The following CD36 variants were observed in gnomAD, a reference collection of about 807,000 sequenced individuals.
CD36 encodes CD36 molecule (CD36 blood group).
Under a neutral mutation model 55.2 loss-of-function variants are expected in CD36, and 119 were observed. The observed-to-expected ratio is 2.15, with a 90% CI of 1.86 to 2.51. The LOEUF (loss-of-function observed/expected upper bound fraction) is 2.51, where lower values mean the gene tolerates loss of function less well. Among genes scored for constraint, CD36 ranks in the 30% most tolerant of loss-of-function variants. CD36 has a pLI of 0.00. For synonymous variants in CD36, 186 were observed against 193.6 expected (o/e 0.96, Z 0.33); for missense variants, 819 against 555.5 (o/e 1.47, Z -4.77).
At chr7:80,620,103 A>G (rs569872311) in intron 1 of CD36, among the ~76,000 whole-genome samples, 3 of 151,592 alleles carry the variant, frequency 2.0e-5, no homozygotes, top group Non-Finnish European at 2.9e-5. Context: ...AACTTTCTAA[A>G]CCATGTTTTT....
rs767985949 is a variant in CD36 at position 80,661,027 on chromosome 7, A to C, written c.282-36A>C. ...TTGAGATCTAATGTTCACATATGAC[A>C]AATGTTTTGAATTTTGTTTACTGCT... On this transcript the variant is annotated intron_variant, in intron 4 of 14. Transcript: ENST00000447544. The C allele has an allele frequency of 1.0e-5, 15 of 1,497,952 alleles. No homozygotes were observed. In the East Asian group the frequency reaches 3.4e-4, roughly 34 times the overall value. 92.8% of individuals were successfully genotyped at this position (1,497,952 alleles called of 1,614,324 possible). A position where few individuals can be genotyped will look rare whatever the true frequency, so the allele number is the denominator to read the frequency against.
At chr7:80,670,584 C>T (rs1797567764) in intron 9 of CD36, 1 of 237,620 alleles carries the variant, frequency 4.2e-6, no homozygotes, top group Admixed American at 5.2e-5. Context: ...GGAAATGTAC[C>T]AGGTATATAT....
At chr7:80,615,537 G>A (rs1336763126) in intron 1 of CD36, among the ~76,000 whole-genome samples, 1 of 152,008 alleles carries the variant, frequency 6.6e-6, no homozygotes, top group African/African-American at 2.4e-5. Flanking sequence ...ATCCATTGAA[G>A]CCCTTCTGTT....
Position 80,664,396 on chromosome 7 carries a change from T to C in CD36, c.610-10T>C, listed in dbSNP as rs1282389919. Reference sequence around the variant, plus strand: ...TGTAGAAGTAACATTTTCCCATACATATATTTCAGTACAACAATACTGCAG... The same window carrying C: ...TGTAGAAGTAACATTTTCCCATACACATATTTCAGTACAACAATACTGCAG... On this transcript the variant is annotated splice_polypyrimidine_tract_variant and intron_variant, in intron 6 of 14. Coordinates refer to ENST00000447544, the MANE Select transcript of CD36 (RefSeq NM_001001548.3). 6 of 1,375,452 alleles carry C rather than the reference T, an allele frequency of 4.4e-6. No individual in the cohort carries two copies. The Admixed American group carries it at 6.7e-5, about 15-fold the overall frequency. 85.2% of individuals were successfully genotyped at this position (1,375,452 alleles called of 1,614,324 possible).
At position 80,656,533 on chromosome 7, in the gene CD36, T is replaced by C. The variant is rs766464573; in HGVS notation, c.121-7T>C. On this transcript the variant is annotated splice_region_variant and splice_polypyrimidine_tract_variant and intron_variant, in intron 3 of 14. Transcript: ENST00000447544. ...GACATAACCCAAACTTATTTTCTTT[T>C]TCATAGCAAGTTGTCCTCGAAGAAG... is the stretch of plus-strand genomic sequence containing the variant. 1 of 1,613,178 alleles carries C rather than the reference T, an allele frequency of 6.2e-7. No individual in the cohort carries two copies. Among genetic ancestry groups the C allele is most frequent in the Non-Finnish European group, 8.5e-7 (1 of 1,179,476 alleles).
intron 1 of CD36, among the ~76,000 whole-genome samples, chr7:80,603,574 A>G (rs1371885224): frequency 6.6e-6 from 1 of 152,138 alleles, no homozygotes; most frequent in Non-Finnish European, 1.5e-5. Flanking sequence ...AATCCTGACA[A>G]GAGGAAAGGA....
intron 1 of CD36, among the ~76,000 whole-genome samples, chr7:80,612,764 G>A (rs1050027647): frequency 3.3e-5 from 5 of 152,060 alleles, no homozygotes; most frequent in South Asian, 4.1e-4. Flanking sequence ...TATTCACTGT[G>A]TCTTAAATGT....
chr7:80,673,171 A>C (rs1797883931), intron 12 of CD36, 184 bp from the exon 13 acceptor site: 2 of 519,380 alleles, frequency 3.9e-6, no homozygotes. Context: ...AAAAAAAATC[A>C]ATGTGATTAG....
intron 1 of CD36, among the ~76,000 whole-genome samples, chr7:80,607,241 G>A (rs547717808): frequency 6.6e-6 from 1 of 151,784 alleles, no homozygotes; most frequent in East Asian, 2.0e-4. Flanking sequence ...ATAAATAAAA[G>A]CAACTGAAAC....
chr7:80,670,967 C>T lies in CD36; in HGVS notation c.819-10C>T. On this transcript the variant is annotated splice_polypyrimidine_tract_variant and intron_variant, in intron 9 of 14. Transcript: ENST00000447544. Reference sequence around the variant, plus strand: ...TTCCTGGAATGCAGCTCTTTTTTCTCTGTATTTAGGTCAATCTATGCTGTA... The same window carrying T: ...TTCCTGGAATGCAGCTCTTTTTTCTTTGTATTTAGGTCAATCTATGCTGTA... 6.2e-7 allele frequency: 1 copy of T among 1,600,788 alleles called. No individual in the cohort carries two copies. The highest frequency in any genetic ancestry group is 1.3e-5 in the African/African-American group (1 of 74,684).
intron 5 of CD36, 65 bp downstream of exon 5, chr7:80,661,275 T>A: frequency 2.1e-6 from 3 of 1,411,150 alleles, no homozygotes; most frequent in Non-Finnish European, 3.0e-6. Context: ...ATTAATCCTA[T>A]CATTAGAATT....
intron 1 of CD36, among the ~76,000 whole-genome samples, chr7:80,643,937 A>G (rs897160981): frequency 6.6e-6 from 1 of 152,176 alleles, no homozygotes; most frequent in Non-Finnish European, 1.5e-5. Context: ...GGTCTATGAA[A>G]TGGGCATTCA....
At chr7:80,610,635 CG>C (rs1792826439) in intron 1 of CD36, among the ~76,000 whole-genome samples, 1 of 151,988 alleles carries the variant, frequency 6.6e-6, no homozygotes, top group South Asian at 2.1e-4. Flanking sequence ...AGGGCGGTGG[CG>C]TGATCTCGGC....
chr7:80,618,713 G>A (rs4731643), intron 1 of CD36, among the ~76,000 whole-genome samples: 71,555 of 151,992 alleles, frequency 0.47, 17,601 homozygotes, highest in Non-Finnish European at 0.54. Context: ...TACTCACTTC[G>A]ATTCTGTGAA....
chr7:80,639,593 T>C (rs1019532097), intron 1 of CD36, among the ~76,000 whole-genome samples: 1 of 151,936 alleles, frequency 6.6e-6, no homozygotes, highest in Non-Finnish European at 1.5e-5. Flanking sequence ...CTAGAGTACA[T>C]CCCAGTTTCT....
At chr7:80,672,363 T>TTATTTTTGTA (rs1797776240) in intron 11 of CD36, among the ~76,000 whole-genome samples, 1 of 151,864 alleles carries the variant, frequency 6.6e-6, no homozygotes. Flanking sequence ...TTAATCATCT[T>TTATTTTTGTA]TATTTTTGTA....
intron 4 of CD36, among the ~76,000 whole-genome samples, chr7:80,657,676 A>C (rs1190757994): frequency 6.6e-6 from 1 of 152,150 alleles, no homozygotes; most frequent in Non-Finnish European, 1.5e-5. Flanking sequence ...AAAAAGGGAA[A>C]AAAGGGGGAG....
At chr7:80,672,879 T>TTACAAGAAGATACTAC in intron 12 of CD36, 36 bp downstream of exon 12, 1 of 1,322,362 alleles carries the variant, frequency 7.6e-7, no homozygotes, top group Non-Finnish European at 1.1e-6. Flanking sequence ...TGATATGATC[T>TTACAAGAAGATACTAC]GTAGTATCGT....
At position 80,648,784 on chromosome 7, in the gene CD36, C is replaced by A. The variant is rs375665178; in HGVS notation, c.120+1924C>A. Among the ~76,000 whole-genome samples, 6 of 152,070 alleles carry A rather than the reference C, an allele frequency of 3.9e-5. 1 individual carries two copies. Among genetic ancestry groups the A allele is most frequent in the East Asian group, 1.9e-4 (1 of 5,164 alleles). ...TTCAGGAAAAAGGTAGGACTTGATT[C>A]AGATTTTAAAGAAGTGTAGAATTTT... On this transcript the variant is annotated intron_variant, in intron 3 of 14. Transcript: ENST00000447544.
Sources: gnomAD v4.1 joint callset for allele counts (sites outside exome capture counted in the v4.1 genomes callset) on GRCh38, gnomAD v4.1.1 for gene constraint, MANE v1.5 for transcripts, NCBI Gene and HGNC (gene_info 2026-07-23, HGNC 2026-07-21) for gene names.